The following ECPAS variants were observed in gnomAD, a reference collection of about 807,000 sequenced individuals.
ECPAS encodes Ecm29 proteasome adaptor and scaffold.
A neutral mutation model predicts 255.1 loss-of-function variants in ECPAS; 70 were observed. That is an observed-to-expected ratio of 0.27 (90% CI 0.23 to 0.33). The LOEUF (loss-of-function observed/expected upper bound fraction) is 0.33, where lower values mean the gene tolerates loss of function less well. ECPAS is among the 10% of genes least tolerant of loss of function. The pLI is 1.00. For synonymous variants in ECPAS, 784 were observed against 775.0 expected, an observed-to-expected ratio of 1.01 and a Z score of -0.19; for missense variants, 1,817 against 2,206.4, an observed-to-expected ratio of 0.82 and a Z score of 3.54.
At chr9:111,451,275 T>C (rs1174281491) in intron 3 of ECPAS, 150 bp downstream of exon 3, 5 of 749,276 alleles carry the variant, frequency 6.7e-6, no homozygotes, top group Non-Finnish European at 1.1e-5. Flanking sequence ...TTTTAAATCA[T>C]AAAAGCTGGT....
chr9:111,438,260 AT>A (rs2098240891), intron 6 of ECPAS, among the ~76,000 whole-genome samples: 1 of 152,170 alleles, frequency 6.6e-6, no homozygotes, highest in Admixed American at 6.5e-5. Context: ...AAGTTTTTTT[AT>A]TTCTAAGTTA....
intron 17 of ECPAS, 44 bp from the exon 18 acceptor site, chr9:111,416,396 A>G (rs1488605979): frequency 6.4e-6 from 9 of 1,413,074 alleles, no homozygotes; most frequent in Non-Finnish European, 9.0e-6. Flanking sequence ...CTGAAAAATG[A>G]AGCATACCTG....
At chr9:111,370,074 C>T (rs1342521289) in intron 45 of ECPAS, among the ~76,000 whole-genome samples, 5 of 152,190 alleles carry the variant, frequency 3.3e-5, no homozygotes, top group African/African-American at 1.2e-4. Flanking sequence ...TGCCATCTAG[C>T]GGTGCCCAGG....
At chr9:111,445,059 G>A (rs1179359543) in intron 3 of ECPAS, among the ~76,000 whole-genome samples, 1 of 138,922 alleles carries the variant, frequency 7.2e-6, no homozygotes, top group Non-Finnish European at 1.5e-5. Flanking sequence ...GTAGTGGTGC[G>A]ATCTCAGCTC....
chr9:111,378,198 G>T (rs2098135803), intron 36 of ECPAS, among the ~76,000 whole-genome samples: 1 of 151,996 alleles, frequency 6.6e-6, no homozygotes, highest in Admixed American at 6.6e-5. Flanking sequence ...CAGAGACCAG[G>T]TGACTCCATT....
chr9:111,469,492 T>C (rs1302958370), intron 2 of ECPAS, among the ~76,000 whole-genome samples: 1 of 148,230 alleles, frequency 6.7e-6, no homozygotes, highest in Non-Finnish European at 1.5e-5. Context: ...ATCCAGCCAC[T>C]GTACTCTAGC....
Position 111,441,970 on chromosome 9 carries a change from A to G in ECPAS, c.389+336T>C, listed in dbSNP as rs573600530. Among the ~76,000 whole-genome samples, 15 of 152,334 alleles carry G rather than the reference A, an allele frequency of 9.8e-5. No homozygotes were observed. In the Middle Eastern group the frequency reaches 0.017, roughly 173 times the overall value. On this transcript the variant is annotated intron_variant, in intron 5 of 49. Coordinates refer to ENST00000684092, the MANE Select transcript of ECPAS (RefSeq NM_001364929.1). ...CTTAGGAAAACCACTGTGAAACTTT[A>G]TATCTTCCAAGATAGAATTGTTTTG...
chr9:111,481,323 A>G (rs888225116), intron 1 of ECPAS, among the ~76,000 whole-genome samples: 2 of 152,032 alleles, frequency 1.3e-5, no homozygotes, highest in Non-Finnish European at 2.9e-5. Flanking sequence ...TGGCTAACAC[A>G]GTGAAACCCC....
At chr9:111,483,464 C>T (rs1187497892) in intron 1 of ECPAS, 55 of 969,874 alleles carry the variant, frequency 5.7e-5, no homozygotes, top group Admixed American at 6.4e-5. Flanking sequence ...GCGCGGCGCC[C>T]GTTCCGGCTC....
chr9:111,432,419 G>C (rs1564541929), intron 8 of ECPAS, among the ~76,000 whole-genome samples: 1 of 152,252 alleles, frequency 6.6e-6, no homozygotes, highest in East Asian at 1.9e-4. Context: ...TTCGAGAGCA[G>C]CCTGGGCAAC....
intron 7 of ECPAS, 34 bp from the exon 8 acceptor site, chr9:111,433,406 T>C (rs748401178): frequency 2.5e-6 from 4 of 1,612,722 alleles, no homozygotes; most frequent in Non-Finnish European, 3.4e-6. Flanking sequence ...GAAAGAACAG[T>C]CAGGGGAGCA....
intron 2 of ECPAS, among the ~76,000 whole-genome samples, chr9:111,457,097 A>C (rs1046228687): frequency 1.6e-4 from 25 of 152,226 alleles, no homozygotes; most frequent in Non-Finnish European, 3.4e-4. Flanking sequence ...AGATCATGCA[A>C]GATAAGAATT....
chr9:111,478,270 T>G (rs1002352131), intron 1 of ECPAS, among the ~76,000 whole-genome samples: 59 of 151,966 alleles, frequency 3.9e-4, no homozygotes, highest in Non-Finnish European at 6.3e-4. Context: ...GGCTCACGCC[T>G]GTAATCCCAG....
At chr9:111,449,608 AAG>A (rs1338049223) in intron 3 of ECPAS, among the ~76,000 whole-genome samples, 11 of 152,190 alleles carry the variant, frequency 7.2e-5, no homozygotes, top group South Asian at 2.1e-4. Flanking sequence ...ATAAAATACA[AAG>A]AAACAAAAAA....
At chr9:111,375,571 AC>A (rs1161586611) in intron 37 of ECPAS, among the ~76,000 whole-genome samples, 2 of 151,878 alleles carry the variant, frequency 1.3e-5, no homozygotes, top group African/African-American at 2.4e-5. Flanking sequence ...ACCCTACCAA[AC>A]CCCCTCTAAT....
chr9:111,377,884 C>T (rs895507939), intron 36 of ECPAS, among the ~76,000 whole-genome samples: 20 of 152,260 alleles, frequency 1.3e-4, no homozygotes, highest in African/African-American at 4.3e-4. Flanking sequence ...CGGTGGCTCA[C>T]GCCTGTAATC....
chr9:111,369,270 A>G, intron 45 of ECPAS, 97 bp from the exon 46 acceptor site: 1 of 844,872 alleles, frequency 1.2e-6, no homozygotes, highest in Non-Finnish European at 1.6e-6. Context: ...GGCAGGAGAT[A>G]TTAACCAAGA....
intron 6 of ECPAS, among the ~76,000 whole-genome samples, chr9:111,438,545 C>T (rs2098241390): frequency 6.6e-6 from 1 of 152,160 alleles, no homozygotes; most frequent in South Asian, 2.1e-4. Flanking sequence ...GAGGTCAAGG[C>T]TGCATTGAGT....
At chr9:111,413,858 A>G (rs1183551056) in intron 20 of ECPAS, 37 bp downstream of exon 20, 1 of 1,296,202 alleles carries the variant, frequency 7.7e-7, no homozygotes, top group South Asian at 1.4e-5. Context: ...GGTCTGAAAT[A>G]GAATTTTTTT....
Sources: gnomAD v4.1 joint callset for allele counts (sites outside exome capture counted in the v4.1 genomes callset) on GRCh38, gnomAD v4.1.1 for gene constraint, MANE v1.5 for transcripts, NCBI Gene and HGNC (gene_info 2026-07-23, HGNC 2026-07-21) for gene names.